The following SPP2 variants were observed in gnomAD, a reference collection of about 807,000 sequenced individuals.
SPP2 encodes secreted phosphoprotein 2.
SPP2 carries 34 observed loss-of-function variants against 28.8 expected under a neutral mutation model. That is an observed-to-expected ratio of 1.18 (90% CI 0.90 to 1.57). The LOEUF (loss-of-function observed/expected upper bound fraction) is 1.57, where lower values mean the gene tolerates loss of function less well. Among genes scored for constraint, SPP2 ranks in the 40% most tolerant of loss-of-function variants. SPP2 has a pLI of 0.00. For missense variants in SPP2, 269 were observed against 263.9 expected, an observed-to-expected ratio of 1.02 and a Z score of -0.13; for synonymous variants, 96 against 89.4, an observed-to-expected ratio of 1.07 and a Z score of -0.42.
intron 2 of SPP2, among the ~76,000 whole-genome samples, 191 bp downstream of exon 2, chr2:234,051,286 C>T (rs542997045): frequency 1.3e-5 from 2 of 152,282 alleles, no homozygotes; most frequent in South Asian, 4.1e-4. Context: ...GCTATCCAAA[C>T]CACTTTTGAT....
At chr2:234,073,721 C>T (rs1690839779) in intron 7 of SPP2, among the ~76,000 whole-genome samples, 1 of 152,128 alleles carries the variant, frequency 6.6e-6, no homozygotes, top group Admixed American at 6.5e-5. Context: ...CCAGAAGACC[C>T]TCAGCACCCA....
intron 7 of SPP2, among the ~76,000 whole-genome samples, chr2:234,070,601 A>C (rs1018704466): frequency 5.9e-5 from 9 of 152,124 alleles, no homozygotes; most frequent in African/African-American, 2.2e-4. Context: ...AGCTGGGATT[A>C]CAGGCTCCTG....
intron 4 of SPP2, among the ~76,000 whole-genome samples, chr2:234,062,963 G>T (rs988096704): frequency 1.3e-5 from 2 of 152,094 alleles, no homozygotes; most frequent in African/African-American, 4.8e-5. Context: ...CTCTCTGATT[G>T]CTTCTTCTTA....
At chr2:234,052,819 G>T (rs1401668002) in intron 2 of SPP2, among the ~76,000 whole-genome samples, 1 of 152,154 alleles carries the variant, frequency 6.6e-6, no homozygotes, top group Non-Finnish European at 1.5e-5. Context: ...CTGGAAGGGA[G>T]ATTCTCTTCC....
intron 2 of SPP2, among the ~76,000 whole-genome samples, chr2:234,053,829 C>A (rs975789076): frequency 6.6e-6 from 1 of 151,684 alleles, no homozygotes; most frequent in African/African-American, 2.4e-5. Context: ...CTATGCTGGG[C>A]CCTATGCTGG....
chr2:234,062,508 C>T (rs1349825856), intron 4 of SPP2, among the ~76,000 whole-genome samples: 1 of 152,034 alleles, frequency 6.6e-6, no homozygotes, highest in Non-Finnish European at 1.5e-5. Context: ...AGGGTCTTGT[C>T]GAGGTTGCCT....
intron 2 of SPP2, among the ~76,000 whole-genome samples, chr2:234,057,093 G>A (rs1327242120): frequency 6.6e-6 from 1 of 152,100 alleles, no homozygotes; most frequent in Non-Finnish European, 1.5e-5. Flanking sequence ...GATCCTGGGG[G>A]TGTTGTCAGG....
At chr2:234,069,283 T>A (rs1264260659) in intron 6 of SPP2, among the ~76,000 whole-genome samples, 1 of 152,126 alleles carries the variant, frequency 6.6e-6, no homozygotes, top group Admixed American at 6.5e-5. Context: ...AAGTGATATA[T>A]CATCACTTCT....
intron 2 of SPP2, among the ~76,000 whole-genome samples, chr2:234,051,947 C>T (rs763802508): frequency 2.0e-5 from 3 of 152,218 alleles, no homozygotes; most frequent in Admixed American, 6.5e-5. Flanking sequence ...TGACTCTTAG[C>T]TTGTTCCCTC....
At chr2:234,056,125 C>A (rs1407163343) in intron 2 of SPP2, 7 of 152,096 alleles carry the variant, frequency 4.6e-5, no homozygotes, top group Non-Finnish European at 1.0e-4. Flanking sequence ...TCAGAGTGAA[C>A]AGGCAACCTA....
At chr2:234,052,974 T>A (rs1310743034) in intron 2 of SPP2, among the ~76,000 whole-genome samples, 1 of 152,198 alleles carries the variant, frequency 6.6e-6, no homozygotes, top group Non-Finnish European at 1.5e-5. Context: ...ACATGAGGGA[T>A]ACACTAAAAG....
At chr2:234,057,951 C>T (rs938802945) in intron 2 of SPP2, among the ~76,000 whole-genome samples, 1 of 152,164 alleles carries the variant, frequency 6.6e-6, no homozygotes, top group Non-Finnish European at 1.5e-5. Context: ...TGTATAAAAT[C>T]ACCACGAACA....
At position 234,067,253 on chromosome 2, in the gene SPP2, C is replaced by T. The variant is rs1559177037; in HGVS notation, c.529C>T (p.Gln177Ter). ...GLISDESISE[Q>*]FYDRSLGIMR... is the part of the protein sequence containing the mutation. ...CATTTCAGACGAGTCCATAAGTGAA[C>T]AATTTTATGATCGGTCACTTGGTAA... The change falls in exon 6 of 8, where the codon CAA becomes TAA. Residue 177 changes from glutamine to a stop codon, truncating the protein, a stop_gained. Transcript: ENST00000168148. LOFTEE classifies it high-confidence loss of function. The T allele has an allele frequency of 6.2e-7, 1 of 1,613,896 alleles. No homozygotes were observed. Among genetic ancestry groups the T allele is most frequent in the African/African-American group, 1.3e-5 (1 of 74,892 alleles).
chr2:234,051,294 G>A (rs1244170315), intron 2 of SPP2, among the ~76,000 whole-genome samples, 199 bp downstream of exon 2: 6 of 152,122 alleles, frequency 3.9e-5, no homozygotes, highest in Non-Finnish European at 8.8e-5. Flanking sequence ...AACCACTTTT[G>A]ATGACTGATT....
intron 7 of SPP2, among the ~76,000 whole-genome samples, chr2:234,072,240 G>T (rs953369943): frequency 6.6e-6 from 1 of 152,072 alleles, no homozygotes; most frequent in African/African-American, 2.4e-5. Flanking sequence ...CACCATTGAG[G>T]CCTTCTTGGA....
Position 234,057,534 on chromosome 2 carries a change from C to G in SPP2, c.211-1302C>G, listed in dbSNP as rs74467464. Among the ~76,000 whole-genome samples the G allele has an allele frequency of 2.9e-4, 44 of 152,300 alleles. 2 individuals carry two copies. The East Asian group carries it at 8.1e-3, about 28-fold the overall frequency. ...ATGTTGTTGTTTTTCTTGATAGCCC[C>G]ATAACTATCTGGGATGATCTTGGAT... On this transcript the variant is annotated intron_variant, in intron 2 of 7. Transcript: ENST00000168148.
rs1693657692 is a variant in SPP2, at chr2:234,058,732, G to A, written c.211-104G>A. On this transcript the variant is annotated intron_variant, in intron 2 of 7. Coordinates refer to ENST00000168148, the MANE Select transcript of SPP2 (RefSeq NM_006944.3). ...TAAGATAATTTATTGCTTTCATGGT[G>A]GACAATTCTGTAATTTTTTTCTTAT... 7.6e-6 allele frequency: 10 copies of A among 1,318,730 alleles called. No homozygotes were observed. In the African/African-American group the frequency reaches 1.0e-4, roughly 14 times the overall value. The allele number at this position is 1,318,730 out of a possible 1,614,324, so 81.7% of individuals were successfully genotyped here.
At chr2:234,051,997 C>G (rs1254462877) in intron 2 of SPP2, among the ~76,000 whole-genome samples, 1 of 152,206 alleles carries the variant, frequency 6.6e-6, no homozygotes, top group Non-Finnish European at 1.5e-5. Flanking sequence ...TTTCCTAGTT[C>G]TAGTCTCCAA....
chr2:234,068,470 A>G (rs537641210), intron 6 of SPP2, among the ~76,000 whole-genome samples: 5 of 152,334 alleles, frequency 3.3e-5, no homozygotes, highest in African/African-American at 4.8e-5. Context: ...ATTAAAATGA[A>G]TAACAGAGAT....
Sources: gnomAD v4.1 joint callset for allele counts (sites outside exome capture counted in the v4.1 genomes callset) on GRCh38, gnomAD v4.1.1 for gene constraint, MANE v1.5 for transcripts, NCBI Gene and HGNC (gene_info 2026-07-23, HGNC 2026-07-21) for gene names.